The following MSRA variants were observed in gnomAD, a reference collection of about 807,000 sequenced individuals.
MSRA encodes methionine sulfoxide reductase A.
Under a neutral mutation model 31.3 loss-of-function variants are expected in MSRA, and 54 were observed. That is an observed-to-expected ratio of 1.73 (90% CI 1.39 to 2.17). MSRA has a LOEUF of 2.17. MSRA is among the 30% of genes most tolerant of loss of function. The probability of loss-of-function intolerance (pLI) is 0.00; values close to 1 mark genes in which losing one functional copy is unlikely to be tolerated. For missense variants in MSRA, 507 were observed against 300.9 expected, an observed-to-expected ratio of 1.69 and a Z score of -5.07; for synonymous variants, 169 against 116.5, an observed-to-expected ratio of 1.45 and a Z score of -2.90.
intron 5 of MSRA, among the ~76,000 whole-genome samples, chr8:10,366,583 G>C (rs1474237491): frequency 2.6e-5 from 4 of 152,222 alleles, no homozygotes; most frequent in African/African-American, 9.6e-5. Context: ...TTTTTGGCCA[G>C]AGAGTGGCAT....
intron 1 of MSRA, among the ~76,000 whole-genome samples, chr8:10,086,755 T>C (rs1334071913): frequency 6.6e-6 from 1 of 151,562 alleles, no homozygotes; most frequent in African/African-American, 2.4e-5. Flanking sequence ...AAATACTTAA[T>C]AAATCAATGA....
intron 1 of MSRA, among the ~76,000 whole-genome samples, chr8:10,180,295 G>A (rs1294125611): frequency 1.3e-5 from 2 of 152,192 alleles, no homozygotes; most frequent in Non-Finnish European, 2.9e-5. Flanking sequence ...AATGGAAGAG[G>A]TGCATAGGTC....
chr8:10,260,428 G>A (rs570595428), intron 3 of MSRA, among the ~76,000 whole-genome samples: 92 of 152,290 alleles, frequency 6.0e-4, no homozygotes, highest in African/African-American at 2.0e-3. Flanking sequence ...AGGAGGAAGC[G>A]GGGGACAGAA....
chr8:10,293,827 A>G (rs1200171502), intron 3 of MSRA, among the ~76,000 whole-genome samples: 1 of 152,032 alleles, frequency 6.6e-6, no homozygotes, highest in Non-Finnish European at 1.5e-5. Flanking sequence ...GTGCTGGGAC[A>G]CAGGAGAGCA....
chr8:10,306,985 A>AGT (rs1801174382), intron 4 of MSRA, among the ~76,000 whole-genome samples: 1 of 152,178 alleles, frequency 6.6e-6, no homozygotes, highest in African/African-American at 2.4e-5. Context: ...AACCCTGTGA[A>AGT]GTAAGGATCA....
intron 1 of MSRA, among the ~76,000 whole-genome samples, chr8:10,180,242 T>C (rs1453979471): frequency 1.3e-5 from 2 of 152,190 alleles, no homozygotes; most frequent in East Asian, 1.9e-4. Flanking sequence ...CAGTTTATTA[T>C]ATTTACTGGT....
chr8:10,347,348 A>C (rs1803845880), intron 5 of MSRA, among the ~76,000 whole-genome samples: 1 of 152,124 alleles, frequency 6.6e-6, no homozygotes, highest in Non-Finnish European at 1.5e-5. Flanking sequence ...TGGATATTCC[A>C]CTTGCATCTC....
intron 5 of MSRA, among the ~76,000 whole-genome samples, chr8:10,414,732 AT>A (rs1310752530): frequency 6.6e-6 from 1 of 152,202 alleles, no homozygotes; most frequent in Non-Finnish European, 1.5e-5. Flanking sequence ...CAAAATCTGC[AT>A]TTCATCCCCA....
At chr8:10,296,389 C>G (rs1585395852) in intron 3 of MSRA, among the ~76,000 whole-genome samples, 1 of 152,116 alleles carries the variant, frequency 6.6e-6, no homozygotes, top group Non-Finnish European at 1.5e-5. Context: ...GTATGGAGAG[C>G]CTTACGCTTC....
intron 1 of MSRA, among the ~76,000 whole-genome samples, chr8:10,121,886 G>T (rs556205623): frequency 2.0e-5 from 3 of 147,348 alleles, no homozygotes; most frequent in South Asian, 2.2e-4. Flanking sequence ...TTGTTATGTT[G>T]CCCAGGCTGG....
At chr8:10,274,630 T>G (rs1407055489) in intron 3 of MSRA, among the ~76,000 whole-genome samples, 1 of 152,188 alleles carries the variant, frequency 6.6e-6, no homozygotes, top group Non-Finnish European at 1.5e-5. Context: ...ACCCATTTAT[T>G]TATGTATCCA....
intron 1 of MSRA, among the ~76,000 whole-genome samples, chr8:10,082,242 A>G (rs912510794): frequency 4.0e-5 from 6 of 151,744 alleles, no homozygotes; most frequent in African/African-American, 1.5e-4. Context: ...AACAAAACAA[A>G]CCCTACAAAA....
intron 4 of MSRA, 126 bp downstream of exon 4, chr8:10,301,764 A>G: frequency 2.6e-6 from 2 of 764,974 alleles, no homozygotes; most frequent in East Asian, 2.8e-5. Context: ...GATTGCAGAC[A>G]TTTATTGACG....
intron 5 of MSRA, among the ~76,000 whole-genome samples, chr8:10,330,204 T>TACACACACAC (rs149601196): frequency 1.4e-4 from 15 of 107,968 alleles, no homozygotes; most frequent in African/African-American, 4.3e-4. Context: ...TTAAATGTGA[T>TACACACACAC]ATACACACAC....
Position 10,098,736 on chromosome 8 carries a change from C to A in MSRA, c.142+44078C>A, listed in dbSNP as rs115979594. On this transcript the variant is annotated intron_variant, in intron 1 of 5. Transcript: ENST00000317173. ...TGTTTTATGACTATTTTGGTTGTTA[C>A]ATTTTATTGGCCAGAAAACTTGAGT... Among the ~76,000 whole-genome samples, 301 of 152,284 alleles carry A rather than the reference C, an allele frequency of 2.0e-3. 1 individual carries two copies. The highest frequency in any genetic ancestry group is 7.0e-3 in the African/African-American group (290 of 41,576).
At chr8:10,301,928 T>C (rs1393398234) in intron 4 of MSRA, among the ~76,000 whole-genome samples, 1 of 152,240 alleles carries the variant, frequency 6.6e-6, no homozygotes, top group Non-Finnish European at 1.5e-5. Flanking sequence ...ATTATTGCAT[T>C]ATTCCTCCTT....
intron 1 of MSRA, among the ~76,000 whole-genome samples, chr8:10,141,396 A>C (rs1165802031): frequency 1.3e-5 from 2 of 152,232 alleles, no homozygotes; most frequent in Non-Finnish European, 2.9e-5. Context: ...TGAACCCAAG[A>C]AGCCTGGCAC....
rs1801785542 is a variant in MSRA at position 10,317,374 on chromosome 8, T to C, written c.437-2509T>C. Among the ~76,000 whole-genome samples, 3 of 152,354 alleles carry C rather than the reference T, an allele frequency of 2.0e-5. No individual in the cohort carries two copies. In the South Asian group the frequency reaches 6.2e-4, roughly 32 times the overall value. ...ATGAGCTGAGGCTTAGGAGGCCCTC[T>C]GAGCAGAGGAGAAGTCATCATCTTA... On this transcript the variant is annotated intron_variant, in intron 4 of 5. Coordinates refer to ENST00000317173, the MANE Select transcript of MSRA (RefSeq NM_012331.5).
chr8:10,183,108 T>C (rs1228096121), intron 1 of MSRA, among the ~76,000 whole-genome samples: 1 of 152,232 alleles, frequency 6.6e-6, no homozygotes, highest in Non-Finnish European at 1.5e-5. Context: ...CCTCATGTTA[T>C]AGCTTAGTTT....
Sources: allele counts gnomAD v4.1 joint callset (sites outside exome capture counted in the v4.1 genomes callset), GRCh38; gene constraint gnomAD v4.1.1; transcripts MANE v1.5; gene names NCBI Gene and HGNC (gene_info 2026-07-23, HGNC 2026-07-21).